The following FAR1 variants were observed in gnomAD, a reference collection of about 807,000 sequenced individuals.
The protein encoded by FAR1 is fatty acyl-CoA reductase 1, also known as male sterility domain-containing protein 2.
Under a neutral mutation model 61.1 loss-of-function variants are expected in FAR1, and 22 were observed. The observed-to-expected ratio is 0.36, with a 90% CI of 0.26 to 0.51. The LOEUF is 0.51. Ranked by LOEUF, FAR1 falls within the 20% of genes least tolerant of loss-of-function variation. The pLI is 0.95. For synonymous variants in FAR1, 206 were observed against 209.7 expected, an observed-to-expected ratio of 0.98 and a Z score of 0.15; for missense variants, 359 against 626.9, an observed-to-expected ratio of 0.57 and a Z score of 4.56.
chr11:13,705,259 A>G (rs1314140731), intron 3 of FAR1, among the ~76,000 whole-genome samples: 5 of 152,048 alleles, frequency 3.3e-5, no homozygotes, highest in Non-Finnish European at 7.4e-5. Context: ...TTCTGATATA[A>G]CATGTCAGAG....
intron 10 of FAR1, chr11:13,723,528 T>C: frequency 3.2e-6 from 1 of 311,108 alleles, no homozygotes; most frequent in Non-Finnish European, 6.3e-6. Context: ...GCAGTATCAC[T>C]ATGATAGTGG....
chr11:13,686,224 C>G (rs1443702682), intron 1 of FAR1, among the ~76,000 whole-genome samples: 1 of 152,166 alleles, frequency 6.6e-6, no homozygotes, highest in Non-Finnish European at 1.5e-5. Context: ...ACAGTTTGTG[C>G]TAAATAAATT....
intron 3 of FAR1, among the ~76,000 whole-genome samples, chr11:13,704,164 G>A (rs937220634): frequency 1.3e-5 from 2 of 151,996 alleles, no homozygotes; most frequent in African/African-American, 4.8e-5. Flanking sequence ...GAAGGTACTA[G>A]TAAAGGAAGT....
intron 1 of FAR1, among the ~76,000 whole-genome samples, chr11:13,682,609 T>C (rs1848140476): frequency 1.3e-5 from 2 of 152,178 alleles, no homozygotes; most frequent in Non-Finnish European, 2.9e-5. Flanking sequence ...CTTTTTACTT[T>C]TTTAGTTTTT....
At chr11:13,675,548 C>T (rs908440828) in intron 1 of FAR1, among the ~76,000 whole-genome samples, 2 of 152,122 alleles carry the variant, frequency 1.3e-5, no homozygotes, top group Admixed American at 1.3e-4. Context: ...TGAACAAAGC[C>T]GGTTGCTGTA....
Position 13,729,955 on chromosome 11 carries a change from GTGA to G in FAR1, c.*1183_*1185del, listed in dbSNP as rs927256837. On this transcript the variant is annotated 3_prime_UTR_variant, in exon 12 of 12. Transcript: ENST00000354817. ...AAGGTATCACTTATTTTTTATGCAT[GTGA>G]TTTTAGCTTTAGAAAGAAATGCGTT... The G allele has an allele frequency of 1.3e-3, 203 of 152,502 alleles. 1 individual carries two copies. Among genetic ancestry groups the G allele is most frequent in the African/African-American group, 4.6e-3 (192 of 41,560 alleles). The allele number at this position is 152,502 out of a possible 1,614,324, so 9.4% of individuals were successfully genotyped here. A position where few individuals can be genotyped will look rare whatever the true frequency, so the allele number is the denominator to read the frequency against.
At chr11:13,723,541 G>T (rs925868293) in intron 10 of FAR1, among the ~76,000 whole-genome samples, 2 of 152,086 alleles carry the variant, frequency 1.3e-5, no homozygotes, top group South Asian at 4.1e-4. Context: ...GATAGTGGGT[G>T]TAATTTTGAA....
chr11:13,706,362 C>T (rs1489939703), intron 3 of FAR1, among the ~76,000 whole-genome samples: 1 of 152,054 alleles, frequency 6.6e-6, no homozygotes, highest in African/African-American at 2.4e-5. Context: ...AATAAATATA[C>T]CATTTCTGTA....
chr11:13,728,935 T>C lies in FAR1; in HGVS notation c.*161T>C. The stretch of plus-strand genomic sequence containing the variant: ...ATTTTATGTAACATTTTAATGTTTA[T>C]GCTCATAAAACTTAGTGAACACACT... On this transcript the variant is annotated 3_prime_UTR_variant, in exon 12 of 12. Transcript: ENST00000354817. 6.2e-6 allele frequency: 4 copies of C among 647,524 alleles called. No homozygotes were observed. In the South Asian group the frequency reaches 8.6e-5, roughly 14 times the overall value. 40.1% of individuals were successfully genotyped at this position (647,524 alleles called of 1,614,324 possible). A position where few individuals can be genotyped will look rare whatever the true frequency, so the allele number is the denominator to read the frequency against.
At chr11:13,714,130 C>T (rs558780229) in intron 8 of FAR1, among the ~76,000 whole-genome samples, 51 of 151,910 alleles carry the variant, frequency 3.4e-4, no homozygotes, top group African/African-American at 1.2e-3. Flanking sequence ...GATTATTTTC[C>T]TTTTCTTTTT....
rs1038994389 is a variant in FAR1, at chr11:13,710,880, T to C, written c.723+10T>C. On this transcript the variant is annotated intron_variant, in intron 5 of 11. Transcript: ENST00000354817. Reference sequence around the variant, plus strand: ...GAAAGAACCTTTTCCAGTAAGTTGTTAGAAACCTTTATAAATAACTGGAGT... The same window carrying C: ...GAAAGAACCTTTTCCAGTAAGTTGTCAGAAACCTTTATAAATAACTGGAGT... 1.2e-6 allele frequency: 2 copies of C among 1,605,746 alleles called. No homozygotes were observed. The highest frequency in any genetic ancestry group is 2.7e-5 in the African/African-American group (2 of 74,330).
intron 8 of FAR1, among the ~76,000 whole-genome samples, chr11:13,714,168 A>G (rs1361885004): frequency 6.6e-6 from 1 of 152,134 alleles, no homozygotes. Context: ...AAGAGTCTGG[A>G]AAGAGGAACA....
chr11:13,699,119 A>G (rs1848341324), intron 2 of FAR1, among the ~76,000 whole-genome samples: 1 of 152,056 alleles, frequency 6.6e-6, no homozygotes, highest in South Asian at 2.1e-4. Context: ...TGTCCCTAAC[A>G]CACACACACA....
chr11:13,702,621 C>T (rs1171190409), intron 3 of FAR1, among the ~76,000 whole-genome samples: 3 of 151,990 alleles, frequency 2.0e-5, no homozygotes, highest in Non-Finnish European at 4.4e-5. Context: ...CGATTTTTTC[C>T]CCCATAGTTC....
intron 9 of FAR1, among the ~76,000 whole-genome samples, chr11:13,717,891 T>G (rs1848572376): frequency 6.6e-6 from 1 of 152,190 alleles, no homozygotes; most frequent in Non-Finnish European, 1.5e-5. Context: ...CTTCATTTTT[T>G]TTTTCTTGTC....
chr11:13,689,770 AT>A, intron 1 of FAR1, among the ~76,000 whole-genome samples: 1 of 150,430 alleles, frequency 6.6e-6, no homozygotes, highest in Admixed American at 6.6e-5. Context: ...AGTTCCAGTT[AT>A]TGTGCACCCT....
chr11:13,694,635 G>C (rs12282039), intron 1 of FAR1, 124 bp from the exon 2 acceptor site: 1 of 770,650 alleles, frequency 1.3e-6, no homozygotes, highest in African/African-American at 1.8e-5. Context: ...GTCCTCTCTT[G>C]TTAATGTTCT....
chr11:13,681,417 TTGTACAGACCCTAAC>T (rs1179300216), intron 1 of FAR1, among the ~76,000 whole-genome samples: 1 of 152,240 alleles, frequency 6.6e-6, no homozygotes, highest in Non-Finnish European at 1.5e-5. Context: ...ATGTGTGAGC[TTGTACAGACCCTAAC>T]TGTTCTCTCA....
intron 3 of FAR1, among the ~76,000 whole-genome samples, chr11:13,702,865 T>A (rs1014823607): frequency 1.4e-4 from 22 of 152,280 alleles, no homozygotes; most frequent in African/African-American, 4.3e-4. Flanking sequence ...CAGGGAACTT[T>A]CTTTCTGTCC....
Sources: gnomAD v4.1 joint callset for allele counts (sites outside exome capture counted in the v4.1 genomes callset) on GRCh38, gnomAD v4.1.1 for gene constraint, MANE v1.5 for transcripts, NCBI Gene and HGNC (gene_info 2026-07-23, HGNC 2026-07-21) for gene names.